The following KALRN variants were observed in gnomAD, a reference collection of about 807,000 sequenced individuals.
The protein encoded by KALRN is kalirin RhoGEF kinase, also known as kalirin.
Under a neutral mutation model 353.7 loss-of-function variants are expected in KALRN, and 70 were observed. That is an observed-to-expected ratio of 0.20 (90% CI 0.16 to 0.24). The LOEUF (loss-of-function observed/expected upper bound fraction) is 0.24, where lower values mean the gene tolerates loss of function less well. Ranked by LOEUF, KALRN falls within the 10% of genes least tolerant of loss-of-function variation. The pLI, the probability that KALRN is intolerant of heterozygous loss-of-function variation, is 1.00. For missense variants in KALRN, 2,791 were observed against 3,756.7 expected (o/e 0.74, Z 6.72); for synonymous variants, 1,391 against 1,434.8 (o/e 0.97, Z 0.69).
chr3:124,503,759 A>G (rs540361831), intron 33 of KALRN, among the ~76,000 whole-genome samples: 1 of 152,366 alleles, frequency 6.6e-6, no homozygotes, highest in East Asian at 1.9e-4. Context: ...TCGAAGTCAC[A>G]GGTTTTCCTC....
chr3:124,270,222 G>T (rs1421755560), intron 5 of KALRN, among the ~76,000 whole-genome samples: 1 of 152,096 alleles, frequency 6.6e-6, no homozygotes, highest in African/African-American at 2.4e-5. Context: ...CTGTTCTTAG[G>T]GATGCCATGA....
At chr3:124,347,049 A>G (rs1381513173) in intron 9 of KALRN, 94 bp from the exon 10 acceptor site, 2 of 1,571,646 alleles carry the variant, frequency 1.3e-6, no homozygotes, top group Non-Finnish European at 1.7e-6. Flanking sequence ...GGGATGGGAT[A>G]TAGGGGTGGT....
intron 14 of KALRN, among the ~76,000 whole-genome samples, chr3:124,421,277 A>G (rs1410654805): frequency 6.6e-5 from 10 of 152,220 alleles, no homozygotes; most frequent in Admixed American, 6.5e-4. Context: ...TCAAGAAACA[A>G]CATGTGTCAC....
intron 34 of KALRN, among the ~76,000 whole-genome samples, chr3:124,617,844 A>G (rs1415203142): frequency 6.6e-6 from 1 of 152,176 alleles, no homozygotes; most frequent in Non-Finnish European, 1.5e-5. Flanking sequence ...GCAAGGTGAG[A>G]TCAGGCCTGA....
chr3:124,129,713 A>C (rs2065071418), intron 1 of KALRN, among the ~76,000 whole-genome samples: 1 of 152,144 alleles, frequency 6.6e-6, no homozygotes, highest in South Asian at 2.1e-4. Context: ...CATTCACTCT[A>C]TCACCATGGC....
At chr3:124,640,414 G>A (rs1001337138) in intron 37 of KALRN, among the ~76,000 whole-genome samples, 5 of 151,286 alleles carry the variant, frequency 3.3e-5, no homozygotes, top group Non-Finnish European at 7.4e-5. Context: ...AGCCTCCTGA[G>A]TAGCTGGGAT....
At chr3:124,160,780 G>A (rs1193742990) in intron 1 of KALRN, among the ~76,000 whole-genome samples, 1 of 152,190 alleles carries the variant, frequency 6.6e-6, no homozygotes, top group Non-Finnish European at 1.5e-5. Flanking sequence ...CATGGTCAGT[G>A]CCCTGTCTGA....
Position 124,326,188 on chromosome 3 carries a change from T to C in KALRN, c.1284+17T>C. The C allele has an allele frequency of 1.3e-6, 2 of 1,599,438 alleles. No individual in the cohort carries two copies. Among genetic ancestry groups the C allele is most frequent in the Non-Finnish European group, 1.7e-6 (2 of 1,171,116 alleles). ...GCTGAGCAGGTAAGGTGCAGAAACC[T>C]GCAGCAGCTGCTGTTGGTAGGAAGG... is the stretch of plus-strand genomic sequence containing the variant. On this transcript the variant is annotated intron_variant, in intron 7 of 59. Transcript: ENST00000682506.
At chr3:124,260,539 G>C (rs1045806732) in intron 3 of KALRN, among the ~76,000 whole-genome samples, 1 of 152,150 alleles carries the variant, frequency 6.6e-6, no homozygotes, top group Non-Finnish European at 1.5e-5. Flanking sequence ...TTGCCCTTGG[G>C]AATTGGACCC....
chr3:124,490,645 G>A (rs992093711), intron 29 of KALRN, 49 bp from the exon 30 acceptor site: 8 of 1,561,962 alleles, frequency 5.1e-6, no homozygotes, highest in Non-Finnish European at 5.3e-6. Flanking sequence ...ATGGCCCCCT[G>A]ACTGTGGCAG....
chr3:124,043,142 G>T (rs1212099179), intron 1 of KALRN, among the ~76,000 whole-genome samples: 1 of 152,102 alleles, frequency 6.6e-6, no homozygotes, highest in African/African-American at 2.4e-5. Flanking sequence ...AGGAATCATT[G>T]GTAATCTTTG....
At chr3:124,584,342 G>A (rs915900217) in intron 34 of KALRN, among the ~76,000 whole-genome samples, 19 of 152,184 alleles carry the variant, frequency 1.2e-4, no homozygotes, top group Non-Finnish European at 2.5e-4. Context: ...GAAGAAAAGG[G>A]CATCCTTGAG....
intron 9 of KALRN, among the ~76,000 whole-genome samples, chr3:124,335,696 C>CTGCAGAGAG (rs957874594): frequency 6.6e-6 from 1 of 152,134 alleles, no homozygotes; most frequent in African/African-American, 2.4e-5. Flanking sequence ...TGCAGAGAAG[C>CTGCAGAGAG]TGCTCGGGTG....
In KALRN at chr3:124,564,200, G is replaced by A. The variant is rs371167943; in HGVS notation, c.5182+1111G>A. On this transcript the variant is annotated intron_variant, in intron 34 of 59. Coordinates refer to ENST00000682506, the MANE Select transcript of KALRN (RefSeq NM_001388419.1). ...AGCCTGGGCGACAGAGCGAAACTCC[G>A]TCTCAAAAAAAAAAAAAAAAAAAAA... Among the ~76,000 whole-genome samples, 9 of 71,872 alleles carry A rather than the reference G, an allele frequency of 1.3e-4. No individual in the cohort carries two copies. In the South Asian group the frequency reaches 2.0e-3, roughly 16 times the overall value. 47.2% of individuals were successfully genotyped at this position (71,872 alleles called of 152,430 possible). A position where few individuals can be genotyped will look rare whatever the true frequency, so the allele number is the denominator to read the frequency against.
At chr3:124,529,658 C>A (rs1056596969) in intron 33 of KALRN, among the ~76,000 whole-genome samples, 1 of 152,082 alleles carries the variant, frequency 6.6e-6, no homozygotes, top group Non-Finnish European at 1.5e-5. Flanking sequence ...TGGTCACTGA[C>A]AATTCAAATA....
chr3:124,282,264 G>A (rs1218557181), intron 5 of KALRN, among the ~76,000 whole-genome samples: 2 of 152,046 alleles, frequency 1.3e-5, no homozygotes, highest in African/African-American at 4.8e-5. Flanking sequence ...ATAATTAAAT[G>A]AAATTTTAAT....
chr3:124,375,213 G>A (rs1408815054), intron 10 of KALRN, among the ~76,000 whole-genome samples: 5 of 152,048 alleles, frequency 3.3e-5, no homozygotes, highest in African/African-American at 9.7e-5. Context: ...GGCTATATCC[G>A]GGGCCTGCTC....
At chr3:124,103,250 T>C (rs1427998981) in intron 1 of KALRN, among the ~76,000 whole-genome samples, 1 of 152,210 alleles carries the variant, frequency 6.6e-6, no homozygotes, top group Non-Finnish European at 1.5e-5. Flanking sequence ...AGGACACTGA[T>C]AGCTGCTTTG....
intron 31 of KALRN, 26 bp from the exon 32 acceptor site, chr3:124,492,714 C>G: frequency 6.2e-7 from 1 of 1,609,914 alleles, no homozygotes; most frequent in Non-Finnish European, 8.5e-7. Context: ...TTGGGGTTCT[C>G]AGTCTTTCTC....
Sources: gnomAD v4.1 joint callset for allele counts (sites outside exome capture counted in the v4.1 genomes callset) on GRCh38, gnomAD v4.1.1 for gene constraint, MANE v1.5 for transcripts, NCBI Gene and HGNC (gene_info 2026-07-23, HGNC 2026-07-21) for gene names.